The following ZFHX3 variants were observed in gnomAD, a reference collection of about 807,000 sequenced individuals.
ZFHX3 encodes the protein zinc finger homeobox 3, also known as zinc finger homeobox protein 3.
ZFHX3 carries 42 observed loss-of-function variants against 279.1 expected under a neutral mutation model. The ratio of observed to expected loss-of-function variants is 0.15; its 90% CI spans 0.12 to 0.19. The LOEUF (loss-of-function observed/expected upper bound fraction) is 0.19, where lower values mean the gene tolerates loss of function less well. Among genes scored for constraint, ZFHX3 ranks in the 10% least tolerant of loss-of-function variants. ZFHX3 has a pLI of 1.00. For synonymous variants in ZFHX3, 2,293 were observed against 1,957.8 expected, an observed-to-expected ratio of 1.17 and a Z score of -4.52; for missense variants, 4,981 against 4,754.0, an observed-to-expected ratio of 1.05 and a Z score of -1.40.
chr16:73,531,435 C>T (rs1251683534), intron 2 of ZFHX3, among the ~76,000 whole-genome samples: 2 of 151,978 alleles, frequency 1.3e-5, no homozygotes, highest in African/African-American at 2.4e-5. Flanking sequence ...TATTTCCTGG[C>T]CAGGTGTAAT....
intron 1 of ZFHX3, among the ~76,000 whole-genome samples, chr16:73,823,506 G>C (rs1243634806): frequency 2.0e-5 from 3 of 152,222 alleles, no homozygotes; most frequent in Non-Finnish European, 4.4e-5. Context: ...CTGCAAGAAG[G>C]AGGTCGACTC....
chr16:73,454,072 G>A (rs1045607741), intron 3 of ZFHX3, among the ~76,000 whole-genome samples: 1 of 152,062 alleles, frequency 6.6e-6, no homozygotes, highest in Non-Finnish European at 1.5e-5. Context: ...TAGACATCAG[G>A]GAGCCGAGGT....
At chr16:73,565,097 A>G (rs1169684889) in intron 2 of ZFHX3, among the ~76,000 whole-genome samples, 3 of 152,148 alleles carry the variant, frequency 2.0e-5, no homozygotes, top group Non-Finnish European at 4.4e-5. Flanking sequence ...TACTAAAAAT[A>G]CAAACACGTA....
rs538815331 is a variant in ZFHX3 at position 73,857,045 on chromosome 16, A to C, written c.-1608+34606T>G. ...GTAATTCCTTCAGCAGAAGACAGAC[A>C]ACTCAGGAAGAGCCTTTCCTACCAA... On this transcript the variant is annotated intron_variant, in intron 1 of 17. Transcript: ENST00000641206. 8.5e-5 allele frequency among the ~76,000 whole-genome samples: 13 copies of C among 152,326 alleles called. No homozygotes were observed. The South Asian group carries it at 2.7e-3, about 32-fold the overall frequency.
At chr16:73,890,542 G>A (rs995840918) in intron 1 of ZFHX3, among the ~76,000 whole-genome samples, 2 of 152,038 alleles carry the variant, frequency 1.3e-5, no homozygotes, top group Non-Finnish European at 2.9e-5. Flanking sequence ...TGAAAGATTC[G>A]GTTTTTTAAT....
intron 2 of ZFHX3, among the ~76,000 whole-genome samples, chr16:73,543,454 C>T (rs1319223440): frequency 2.0e-5 from 3 of 152,098 alleles, no homozygotes; most frequent in East Asian, 3.9e-4. Flanking sequence ...GAAGCCTGTC[C>T]GGAATCCTTT....
intron 4 of ZFHX3, among the ~76,000 whole-genome samples, chr16:72,876,432 G>A (rs564397743): frequency 1.2e-4 from 19 of 152,170 alleles, no homozygotes; most frequent in South Asian, 2.1e-4. Flanking sequence ...ACGATTCAGC[G>A]CAGTCACCGC....
At chr16:72,930,080 T>C (rs148289975) in intron 3 of ZFHX3, among the ~76,000 whole-genome samples, 11 of 152,186 alleles carry the variant, frequency 7.2e-5, no homozygotes, top group African/African-American at 2.4e-4. Flanking sequence ...TAGCCAGGCG[T>C]GGTGGCGGGC....
At chr16:73,099,710 CAA>C (rs756694525) in intron 7 of ZFHX3, among the ~76,000 whole-genome samples, 3,240 of 90,854 alleles carry the variant, frequency 0.036, 120 homozygotes, top group African/African-American at 0.12. Flanking sequence ...GACTCCATCT[CAA>C]AAAAAAAAAA....
chr16:73,105,416 C>CATAT (rs1567389861), intron 7 of ZFHX3, among the ~76,000 whole-genome samples: 32 of 102,900 alleles, frequency 3.1e-4, no homozygotes, highest in African/African-American at 9.7e-4. Flanking sequence ...TATACACACA[C>CATAT]ACATATATAT....
At chr16:73,572,064 T>C (rs973403898) in intron 2 of ZFHX3, among the ~76,000 whole-genome samples, 1 of 151,820 alleles carries the variant, frequency 6.6e-6, no homozygotes, top group African/African-American at 2.4e-5. Context: ...CAAGCCTCTC[T>C]TAACAGCTAC....
At chr16:73,732,185 A>C (rs568236968) in intron 1 of ZFHX3, among the ~76,000 whole-genome samples, 1 of 152,220 alleles carries the variant, frequency 6.6e-6, no homozygotes, top group Non-Finnish European at 1.5e-5. Flanking sequence ...AAATGGGATT[A>C]TCTCTCCCAA....
In ZFHX3 at chr16:72,796,256, C is replaced by G. The variant is rs775100836; in HGVS notation, c.6426G>C (p.Gln2142His). The G allele has an allele frequency of 1.2e-6, 2 of 1,614,152 alleles. No individual in the cohort carries two copies. The highest frequency in any genetic ancestry group is 2.2e-5 in the South Asian group (2 of 91,072). The change falls in exon 9 of 10, where the codon CAG becomes CAC. Residue 2142 changes from glutamine (Q) to histidine (H), a missense_variant. Coordinates refer to ENST00000268489, the MANE Select transcript of ZFHX3 (RefSeq NM_006885.4). ...TGGTGCGAGGCCTCTTGTTCTGCTG[C>G]TGGAGCAGGGTTGGATTGAGCTGAT... ...YQHQLNPTLL[Q>H]QQNKRPRTRI...
intron 3 of ZFHX3, among the ~76,000 whole-genome samples, chr16:72,939,760 C>A (rs542566778): frequency 6.6e-6 from 1 of 152,070 alleles, no homozygotes; most frequent in Non-Finnish European, 1.5e-5. Context: ...TGGTGGCAGG[C>A]GCCTGTAATC....
intron 3 of ZFHX3, among the ~76,000 whole-genome samples, chr16:73,338,531 G>C (rs2015961302): frequency 6.6e-6 from 1 of 151,958 alleles, no homozygotes; most frequent in South Asian, 2.1e-4. Context: ...TAGTCTATCA[G>C]TTCTATCAGG....
At chr16:73,707,005 A>C (rs2053311562) in intron 1 of ZFHX3, among the ~76,000 whole-genome samples, 1 of 152,238 alleles carries the variant, frequency 6.6e-6, no homozygotes, top group Non-Finnish European at 1.5e-5. Context: ...TTTTAAATCA[A>C]AGAAGCTGGA....
chr16:73,245,243 C>T (rs1399487711), intron 5 of ZFHX3, among the ~76,000 whole-genome samples: 1 of 152,202 alleles, frequency 6.6e-6, no homozygotes, highest in East Asian at 1.9e-4. Context: ...ATATTTTATT[C>T]ATCTTCACAT....
chr16:72,845,492 G>A (rs1022366204), intron 4 of ZFHX3, among the ~76,000 whole-genome samples: 1 of 152,148 alleles, frequency 6.6e-6, no homozygotes, highest in African/African-American at 2.4e-5. Flanking sequence ...GCCCGGCCCT[G>A]AACCAGGCCT....
chr16:73,592,617 A>G (rs753002770), intron 2 of ZFHX3, among the ~76,000 whole-genome samples: 2 of 152,156 alleles, frequency 1.3e-5, no homozygotes, highest in African/African-American at 2.4e-5. Flanking sequence ...GAGTAGGAGG[A>G]AATGTGAATG....
Sources: allele counts gnomAD v4.1 joint callset (sites outside exome capture counted in the v4.1 genomes callset), GRCh38; gene constraint gnomAD v4.1.1; transcripts MANE v1.5; gene names NCBI Gene and HGNC (gene_info 2026-07-23, HGNC 2026-07-21).